ANK1: variants seen among roughly 807,000 people sequenced by gnomAD.
ANK1 encodes ankyrin-1.
A neutral mutation model predicts 210.4 loss-of-function variants in ANK1; 51 were observed. The ratio of observed to expected loss-of-function variants is 0.24; its 90% CI spans 0.19 to 0.31. ANK1 has a LOEUF of 0.31. ANK1 is among the 10% of genes least tolerant of loss of function. The pLI, the probability that ANK1 is intolerant of heterozygous loss-of-function variation, is 1.00. For missense variants in ANK1, 2,051 were observed against 2,504.4 expected (o/e 0.82, Z 3.86); for synonymous variants, 967 against 1,025.9 (o/e 0.94, Z 1.10).
At chr8:41,714,310 G>A (rs969438226) in intron 15 of ANK1, 56 bp from the exon 16 acceptor site, 11 of 1,370,140 alleles carry the variant, frequency 8.0e-6, no homozygotes, top group Non-Finnish European at 1.1e-5. Flanking sequence ...CTTTCTCCCA[G>A]GACTCCCTTT....
At chr8:41,761,356 TAC>T (rs1450450779) in intron 1 of ANK1, among the ~76,000 whole-genome samples, 6 of 125,230 alleles carry the variant, frequency 4.8e-5, no homozygotes, top group Admixed American at 4.4e-4. Context: ...CACATGCACA[TAC>T]AGAGACCTGT....
intron 1 of ANK1, among the ~76,000 whole-genome samples, chr8:41,794,111 T>C (rs1200933994): frequency 1.3e-5 from 2 of 152,222 alleles, no homozygotes; most frequent in East Asian, 1.9e-4. Context: ...TAGGAAGTCA[T>C]AGGTATAGGC....
rs78681556 is a variant in ANK1, at chr8:41,842,102, G to C, written c.126+54253C>G. Among the ~76,000 whole-genome samples the C allele has an allele frequency of 2.0e-5, 3 of 152,334 alleles. No individual in the cohort carries two copies. The South Asian group carries it at 6.2e-4, about 32-fold the overall frequency. ...AGGCACTGCTCTGACTGTGACCCAG[G>C]CCACCCCAAGGGAGGCAGCACCCCA... On this transcript the variant is annotated intron_variant, in intron 1 of 42. Transcript: ENST00000265709.
chr8:41,896,244 C>CCGCCGCACCGGGCGCCG, intron 1 of ANK1: 1 of 1,375,898 alleles, frequency 7.3e-7, no homozygotes, highest in African/African-American at 1.5e-5. Flanking sequence ...GCCGCCAACT[C>CCGCCGCACCGGGCGCCG]CGCCGCACCG....
At chr8:41,672,137 G>A (rs960791517) in intron 38 of ANK1, among the ~76,000 whole-genome samples, 4 of 152,154 alleles carry the variant, frequency 2.6e-5, no homozygotes, top group African/African-American at 7.2e-5. Context: ...CTCTCCTGCC[G>A]GGCATACCTG....
At chr8:41,785,201 T>A (rs550909634) in intron 1 of ANK1, among the ~76,000 whole-genome samples, 16 of 151,994 alleles carry the variant, frequency 1.1e-4, no homozygotes, top group African/African-American at 2.9e-4. Context: ...CTACAAAAAA[T>A]TTTTAAAAAA....
intron 23 of ANK1, among the ~76,000 whole-genome samples, chr8:41,698,413 C>G (rs1175792453): frequency 6.6e-6 from 1 of 151,538 alleles, no homozygotes; most frequent in African/African-American, 2.5e-5. Flanking sequence ...TCGATCCCAC[C>G]AAATGAGTCC....
At chr8:41,872,153 G>A (rs1815642379) in intron 1 of ANK1, among the ~76,000 whole-genome samples, 1 of 152,196 alleles carries the variant, frequency 6.6e-6, no homozygotes, top group Non-Finnish European at 1.5e-5. Flanking sequence ...TCCTCCAAAA[G>A]GGTGCTGCAA....
intron 1 of ANK1, among the ~76,000 whole-genome samples, chr8:41,849,509 G>A (rs1294798608): frequency 8.9e-6 from 1 of 112,336 alleles, no homozygotes; most frequent in Non-Finnish European, 1.8e-5. Flanking sequence ...GGGAGAGAGA[G>A]CGAGACAATG....
At chr8:41,814,609 T>A (rs1041383445) in intron 1 of ANK1, among the ~76,000 whole-genome samples, 1 of 152,156 alleles carries the variant, frequency 6.6e-6, no homozygotes. Flanking sequence ...AATAAATGGA[T>A]GACAAAGACT....
chr8:41,759,361 C>A (rs10111371), intron 1 of ANK1, among the ~76,000 whole-genome samples: 46,480 of 151,834 alleles, frequency 0.31, 7,299 homozygotes, highest in South Asian at 0.38. Flanking sequence ...CAAAAATTAG[C>A]TGGGCTTGGT....
intron 2 of ANK1, among the ~76,000 whole-genome samples, chr8:41,754,933 G>A (rs1218812526): frequency 6.6e-6 from 1 of 152,262 alleles, no homozygotes; most frequent in African/African-American, 2.4e-5. Flanking sequence ...GGGACCAACA[G>A]GGCCACATCT....
chr8:41,827,483 C>T (rs943592453), intron 1 of ANK1, among the ~76,000 whole-genome samples: 1 of 152,176 alleles, frequency 6.6e-6, no homozygotes, highest in Admixed American at 6.5e-5. Flanking sequence ...ATACTATCTT[C>T]ACAGCTTTAA....
At chr8:41,659,917 C>T (rs982176992) in intron 42 of ANK1, among the ~76,000 whole-genome samples, 29 of 152,074 alleles carry the variant, frequency 1.9e-4, no homozygotes, top group Non-Finnish European at 2.1e-4. Flanking sequence ...GCCTGGCTTT[C>T]GGGCTGCCTC....
chr8:41,662,403 T>C (rs1808700674), intron 40 of ANK1, among the ~76,000 whole-genome samples: 1 of 152,206 alleles, frequency 6.6e-6, no homozygotes, highest in Admixed American at 6.5e-5. Flanking sequence ...CTTTGCCCCA[T>C]TGCTTAATGG....
At chr8:41,709,041 A>G in intron 16 of ANK1, 66 bp from the exon 17 acceptor site, 1 of 1,594,820 alleles carries the variant, frequency 6.3e-7, no homozygotes, top group Admixed American at 1.7e-5. Flanking sequence ...TCAACACACA[A>G]GCAGGGGCTG....
exon 1 of ANK1, chr8:41,896,502 C>G: frequency 6.3e-7 from 1 of 1,581,896 alleles, no homozygotes; most frequent in Non-Finnish European, 8.6e-7. Flanking sequence ...GCGCTCCCGT[C>G]CCCGCCTCCT....
chr8:41,892,455 T>C (rs1013354729), intron 1 of ANK1, among the ~76,000 whole-genome samples: 3 of 152,108 alleles, frequency 2.0e-5, no homozygotes, highest in African/African-American at 4.8e-5. Context: ...CCTGCACTCT[T>C]CCTCCATCCC....
At chr8:41,797,641 G>T, upstream of ANK1, 1 of 1,552,474 alleles carries the variant, frequency 6.4e-7, no homozygotes, top group Admixed American at 1.9e-5. This position sits in a 1 kb window ranked among gnomAD's most constrained non-coding sequence, Gnocchi z 4.0. Flanking sequence ...TGTGACGTGC[G>T]GGCCAGGCCC....
Sources: gnomAD v4.1 joint callset for allele counts (sites outside exome capture counted in the v4.1 genomes callset) on GRCh38, gnomAD v4.1.1 for gene constraint, Gnocchi (gnomAD v3.1) non-coding constraint, MANE v1.5 for transcripts, NCBI Gene and HGNC (gene_info 2026-07-23, HGNC 2026-07-21) for gene names.